The following CAMK1D variants were observed in gnomAD, a reference collection of about 807,000 sequenced individuals.
CAMK1D encodes calcium/calmodulin dependent protein kinase ID, also known as calcium/calmodulin-dependent protein kinase type 1D.
CAMK1D carries 9 observed loss-of-function variants against 47.7 expected under a neutral mutation model. The ratio of observed to expected loss-of-function variants is 0.19; its 90% CI spans 0.11 to 0.33. The LOEUF is 0.33. Ranked by LOEUF, CAMK1D falls within the 10% of genes least tolerant of loss-of-function variation. The pLI, the probability that CAMK1D is intolerant of heterozygous loss-of-function variation, is 1.00. For synonymous variants in CAMK1D, 184 were observed against 184.9 expected (o/e 0.99, Z 0.04); for missense variants, 291 against 488.7 (o/e 0.60, Z 3.81).
At chr10:12,763,945 T>C (rs997783021) in intron 4 of CAMK1D, among the ~76,000 whole-genome samples, 2 of 152,152 alleles carry the variant, frequency 1.3e-5, no homozygotes, top group African/African-American at 2.4e-5. Flanking sequence ...CCTCTCCCTG[T>C]GGCCCCCACC....
At chr10:12,452,423 A>G (rs1316926174) in intron 1 of CAMK1D, among the ~76,000 whole-genome samples, 1 of 151,672 alleles carries the variant, frequency 6.6e-6, no homozygotes, top group Non-Finnish European at 1.5e-5. Context: ...TTTATACATT[A>G]TAAATAATTG....
intron 1 of CAMK1D, among the ~76,000 whole-genome samples, chr10:12,533,587 A>G (rs1288920617): frequency 6.6e-6 from 1 of 152,202 alleles, no homozygotes; most frequent in Non-Finnish European, 1.5e-5. Flanking sequence ...TGCCATTATT[A>G]TAATGGCTCT....
chr10:12,437,307 T>A (rs1832664805), intron 1 of CAMK1D, among the ~76,000 whole-genome samples: 1 of 152,068 alleles, frequency 6.6e-6, no homozygotes, highest in Non-Finnish European at 1.5e-5. Context: ...TTTTCCTACC[T>A]CAGTTTCCCA....
At chr10:12,417,643 C>T (rs1458622246) in intron 1 of CAMK1D, among the ~76,000 whole-genome samples, 1 of 152,054 alleles carries the variant, frequency 6.6e-6, no homozygotes, top group Non-Finnish European at 1.5e-5. Context: ...CCTCCTGGCT[C>T]CTTCAGAAAT....
chr10:12,658,177 A>G (rs1370858580), intron 2 of CAMK1D, among the ~76,000 whole-genome samples: 1 of 152,184 alleles, frequency 6.6e-6, no homozygotes, highest in African/African-American at 2.4e-5. Flanking sequence ...GGTGACCCAG[A>G]GGAAAGGTGA....
chr10:12,491,060 T>G (rs1048783058), intron 1 of CAMK1D, among the ~76,000 whole-genome samples: 4 of 152,170 alleles, frequency 2.6e-5, no homozygotes, highest in African/African-American at 9.7e-5. Context: ...TGCTGGGGAT[T>G]TGAGAAATGC....
intron 1 of CAMK1D, among the ~76,000 whole-genome samples, chr10:12,472,569 G>C (rs887687189): frequency 3.9e-5 from 6 of 152,068 alleles, no homozygotes; most frequent in African/African-American, 1.4e-4. Flanking sequence ...CTGTCACCCA[G>C]GCTGGAGTGC....
At chr10:12,378,488 G>T (rs1838248413) in intron 1 of CAMK1D, among the ~76,000 whole-genome samples, 1 of 150,620 alleles carries the variant, frequency 6.6e-6, no homozygotes, top group South Asian at 2.1e-4. Flanking sequence ...CCTGGCCTTG[G>T]CTTCCCAAGG....
At chr10:12,809,361 A>C (rs1222838294) in intron 6 of CAMK1D, among the ~76,000 whole-genome samples, 1 of 152,222 alleles carries the variant, frequency 6.6e-6, no homozygotes, top group African/African-American at 2.4e-5. Context: ...ATTCCTCAGA[A>C]GATTAAAAAT....
chr10:12,569,178 T>C (rs1837237339), intron 2 of CAMK1D, among the ~76,000 whole-genome samples: 1 of 152,238 alleles, frequency 6.6e-6, no homozygotes, highest in South Asian at 2.1e-4. Flanking sequence ...TACTCAATCA[T>C]TCAATTAGTG....
intron 2 of CAMK1D, among the ~76,000 whole-genome samples, chr10:12,621,793 A>G (rs945222901): frequency 7.3e-6 from 1 of 137,338 alleles, no homozygotes; most frequent in African/African-American, 2.5e-5. Flanking sequence ...CTTACTTTTT[A>G]GTTCTAGTTG....
chr10:12,605,276 C>T (rs369420450), intron 2 of CAMK1D, among the ~76,000 whole-genome samples: 3 of 151,614 alleles, frequency 2.0e-5, no homozygotes, highest in African/African-American at 7.3e-5. Context: ...TAGGTCAGGG[C>T]ACCTCCCTGT....
At chr10:12,659,498 G>T (rs1015207480) in intron 2 of CAMK1D, among the ~76,000 whole-genome samples, 3 of 152,082 alleles carry the variant, frequency 2.0e-5, no homozygotes, top group Admixed American at 6.5e-5. Context: ...AAAATGAAAG[G>T]TATTACTTTT....
intron 1 of CAMK1D, among the ~76,000 whole-genome samples, chr10:12,459,123 CCT>C (rs1833348444): frequency 1.3e-5 from 2 of 152,172 alleles, no homozygotes. Flanking sequence ...AGGCGATCCA[CCT>C]GCCTCGTCCT....
chr10:12,390,166 C>A (rs1186169881), intron 1 of CAMK1D, among the ~76,000 whole-genome samples: 2 of 152,066 alleles, frequency 1.3e-5, no homozygotes, highest in Non-Finnish European at 2.9e-5. Flanking sequence ...TAGGCTGATG[C>A]AAAATTTTCA....
At chr10:12,634,534 G>A (rs1180098491) in intron 2 of CAMK1D, among the ~76,000 whole-genome samples, 3 of 152,160 alleles carry the variant, frequency 2.0e-5, no homozygotes, top group African/African-American at 7.2e-5. Flanking sequence ...GCTTAGTGGT[G>A]TGGGGACTAA....
intron 2 of CAMK1D, among the ~76,000 whole-genome samples, chr10:12,647,033 G>C (rs980741081): frequency 7.3e-5 from 11 of 151,696 alleles, no homozygotes; most frequent in African/African-American, 2.2e-4. Flanking sequence ...AGTAGAGATG[G>C]GGTTTCACCG....
chr10:12,459,079 A>G (rs935857010), intron 1 of CAMK1D, among the ~76,000 whole-genome samples: 1 of 151,522 alleles, frequency 6.6e-6, no homozygotes, highest in South Asian at 2.1e-4. Flanking sequence ...GGGTTTTGCC[A>G]TGTTGGCCAG....
At position 12,816,280 on chromosome 10, in the gene CAMK1D, A is replaced by C. The variant is rs747995993; in HGVS notation, c.785A>C (p.Lys262Thr). Residue 262 changes from lysine to threonine, a missense_variant, in exon 8 of 11, where the codon AAG becomes ACG. Physicochemically the swap from Lys to Thr is moderately conservative, Grantham distance 78. Coordinates refer to ENST00000619168, the MANE Select transcript of CAMK1D (RefSeq NM_153498.4). ...AKDFIRNLME[K>T]DPNKRYTCEQ... is the part of the protein sequence containing the mutation. ...GACTTCATTCGGAACCTGATGGAGA[A>C]GGACCCGAATAAAAGATACACGTGT... 8 of 1,613,806 alleles carry C rather than the reference A, an allele frequency of 5.0e-6. No individual in the cohort carries two copies. The African/African-American group carries it at 1.1e-4, about 22-fold the overall frequency.
Sources: allele counts gnomAD v4.1 joint callset (sites outside exome capture counted in the v4.1 genomes callset), GRCh38; gene constraint gnomAD v4.1.1; transcripts MANE v1.5; gene names NCBI Gene and HGNC (gene_info 2026-07-23, HGNC 2026-07-21).